The following ADGB variants were observed in gnomAD, a reference collection of about 807,000 sequenced individuals.
The protein encoded by ADGB is androglobin.
A neutral mutation model predicts 210.5 loss-of-function variants in ADGB; 172 were observed. The ratio of observed to expected loss-of-function variants is 0.82; its 90% CI spans 0.72 to 0.93. The LOEUF is 0.93. Among genes scored for constraint, ADGB ranks in the 40% least tolerant of loss-of-function variants. The pLI is 0.00. For synonymous variants in ADGB, 658 were observed against 662.7 expected (o/e 0.99, Z 0.11); for missense variants, 2,025 against 1,964.8 (o/e 1.03, Z -0.58).
intron 1 of ADGB, among the ~76,000 whole-genome samples, chr6:146,615,983 C>G (rs1201759327): frequency 6.6e-6 from 1 of 152,114 alleles, no homozygotes; most frequent in Non-Finnish European, 1.5e-5. Context: ...TTTGAGGAAA[C>G]TCCTTACTGT....
intron 35 of ADGB, among the ~76,000 whole-genome samples, chr6:146,804,724 C>G (rs1778185577): frequency 2.0e-5 from 3 of 152,168 alleles, no homozygotes; most frequent in Admixed American, 2.0e-4. Context: ...TCCATCTTTG[C>G]CCCTCCACAA....
At chr6:146,784,085 T>G (rs531568023) in intron 30 of ADGB, among the ~76,000 whole-genome samples, 2 of 152,338 alleles carry the variant, frequency 1.3e-5, no homozygotes, top group South Asian at 4.1e-4. Context: ...GATCAATGTA[T>G]TCACCATGTA....
At chr6:146,786,161 GT>G (rs1562300617) in intron 32 of ADGB, among the ~76,000 whole-genome samples, 163 of 39,930 alleles carry the variant, frequency 4.1e-3, no homozygotes, top group Middle Eastern at 0.038. Context: ...ATATATTTAA[GT>G]TAGTATATAT....
chr6:146,752,368 T>C (rs1777335615), intron 26 of ADGB, among the ~76,000 whole-genome samples, 162 bp from the exon 27 acceptor site: 2 of 151,958 alleles, frequency 1.3e-5, no homozygotes, highest in South Asian at 4.2e-4. Context: ...GAGAAACCTG[T>C]CCCCAAGATC....
chr6:146,772,321 T>C (rs966678324), intron 29 of ADGB, among the ~76,000 whole-genome samples: 3 of 151,234 alleles, frequency 2.0e-5, no homozygotes, highest in Non-Finnish European at 2.9e-5. Context: ...TTGACTAGAA[T>C]TGCTTTCTCC....
chr6:146,642,288 A>G (rs1236589495), intron 2 of ADGB, among the ~76,000 whole-genome samples: 2 of 152,060 alleles, frequency 1.3e-5, no homozygotes, highest in African/African-American at 4.8e-5. Flanking sequence ...TGTTGGTGGG[A>G]GTGTAAATTA....
chr6:146,801,169 T>C lies in ADGB; in HGVS notation c.4538-14T>C. 2.1e-6 allele frequency: 3 copies of C among 1,432,050 alleles called. No homozygotes were observed. Among genetic ancestry groups the C allele is most frequent in the Non-Finnish European group, 2.8e-6 (3 of 1,074,656 alleles). 88.7% of individuals were successfully genotyped at this position (1,432,050 alleles called of 1,614,324 possible). ...AAGCCTAGGTTTTTTGTTGTGTGTG[T>C]GTTTTTTTTAAAGAAACAGGACCTC... On this transcript the variant is annotated splice_polypyrimidine_tract_variant and intron_variant, in intron 33 of 35. Transcript: ENST00000397944.
chr6:146,724,559 G>T (rs1042980307), intron 18 of ADGB: 1 of 315,660 alleles, frequency 3.2e-6, no homozygotes, highest in Non-Finnish European at 5.6e-6. Context: ...AAGATTCTGG[G>T]AATATATTTA....
At chr6:146,663,235 A>T (rs1482609714) in intron 5 of ADGB, among the ~76,000 whole-genome samples, 5 of 146,338 alleles carry the variant, frequency 3.4e-5, no homozygotes, top group African/African-American at 1.2e-4. Context: ...TATAACCTTA[A>T]TAATATTAGT....
intron 27 of ADGB, among the ~76,000 whole-genome samples, chr6:146,758,107 G>C (rs908385534): frequency 6.6e-6 from 1 of 152,012 alleles, no homozygotes; most frequent in African/African-American, 2.4e-5. Context: ...CTCCTGGGTT[G>C]TTTTCAGCAC....
At chr6:146,772,792 G>GA (rs1016016457) in intron 29 of ADGB, among the ~76,000 whole-genome samples, 34 of 149,614 alleles carry the variant, frequency 2.3e-4, no homozygotes, top group African/African-American at 5.9e-4. Flanking sequence ...GGGATATTTA[G>GA]AAAAAAAAAT....
At chr6:146,779,477 C>A (rs77865841) in intron 29 of ADGB, among the ~76,000 whole-genome samples, 1 of 152,144 alleles carries the variant, frequency 6.6e-6, no homozygotes, top group African/African-American at 2.4e-5. Flanking sequence ...AGAAGTTAAA[C>A]TCCACATGGG....
chr6:146,718,739 T>C (rs1776771954), intron 16 of ADGB, among the ~76,000 whole-genome samples: 1 of 152,192 alleles, frequency 6.6e-6, no homozygotes, highest in African/African-American at 2.4e-5. Context: ...TTGGAGGAAG[T>C]AAAGAGTCCT....
At chr6:146,701,682 AAAC>A (rs35095512) in intron 13 of ADGB, among the ~76,000 whole-genome samples, 9,326 of 152,004 alleles carry the variant, frequency 0.061, 919 homozygotes, top group African/African-American at 0.21. Flanking sequence ...AACAGGTTGA[AAAC>A]AACTCATCTT....
intron 35 of ADGB, among the ~76,000 whole-genome samples, chr6:146,805,636 C>T (rs1778200297): frequency 6.6e-6 from 1 of 152,144 alleles, no homozygotes; most frequent in South Asian, 2.1e-4. Context: ...CCACTAACAG[C>T]AAGGCATGTT....
intron 24 of ADGB, 118 bp from the exon 25 acceptor site, chr6:146,741,000 G>A: frequency 1.5e-6 from 1 of 682,132 alleles, no homozygotes; most frequent in Non-Finnish European, 2.2e-6. Flanking sequence ...AATAATATGT[G>A]TGCCTTTTAG....
chr6:146,662,112 T>C (rs565390655), intron 5 of ADGB, among the ~76,000 whole-genome samples: 1 of 152,268 alleles, frequency 6.6e-6, no homozygotes, highest in African/African-American at 2.4e-5. Context: ...GGCTGTAGAA[T>C]TCTTTAAGTT....
intron 3 of ADGB, among the ~76,000 whole-genome samples, chr6:146,651,931 A>C (rs1775709200): frequency 6.6e-6 from 1 of 152,162 alleles, no homozygotes; most frequent in Non-Finnish European, 1.5e-5. Context: ...TAAAATCCTG[A>C]CTTTAGGATA....
chr6:146,604,151 G>C (rs1191146351), intron 1 of ADGB, among the ~76,000 whole-genome samples: 2 of 152,142 alleles, frequency 1.3e-5, no homozygotes, highest in Middle Eastern at 3.2e-3. Context: ...AGGTCGGTTG[G>C]AGCAAGCATC....
Sources: allele counts gnomAD v4.1 joint callset (sites outside exome capture counted in the v4.1 genomes callset), GRCh38; gene constraint gnomAD v4.1.1; transcripts MANE v1.5; gene names NCBI Gene and HGNC (gene_info 2026-07-23, HGNC 2026-07-21).